CXCL17: variants seen among roughly 807,000 people sequenced by gnomAD.
CXCL17 encodes C-X-C motif chemokine 17.
In CXCL17, 9 loss-of-function variants were observed where a neutral mutation model predicts 15.5. That is an observed-to-expected ratio of 0.58 (90% CI 0.35 to 1.01). CXCL17 has a LOEUF of 1.01. Among genes scored for constraint, CXCL17 ranks in the 50% least tolerant of loss-of-function variants. The pLI, the probability that CXCL17 is intolerant of heterozygous loss-of-function variation, is 0.02. For synonymous variants in CXCL17, 52 were observed against 52.3 expected (o/e 0.99, Z 0.02); for missense variants, 133 against 138.2 (o/e 0.96, Z 0.19).
At chr19:42,439,477 T>C (rs115028380) in intron 1 of CXCL17, among the ~76,000 whole-genome samples, 4,482 of 151,102 alleles carry the variant, frequency 0.03, 234 homozygotes, top group African/African-American at 0.1. Flanking sequence ...AAAAAAAGTA[T>C]GATGAGAAGA....
At chr19:42,433,116 T>C (rs555225603) in intron 2 of CXCL17, 39 bp from the exon 3 acceptor site, 1 of 1,419,856 alleles carries the variant, frequency 7.0e-7, no homozygotes, top group East Asian at 2.3e-5. Flanking sequence ...GGAGAGTTAA[T>C]ACATTTGATA....
At chr19:42,442,251 T>TTTTTTTTTTTTTTTTTTTTTTTG (rs2040900779) in intron 1 of CXCL17, among the ~76,000 whole-genome samples, 1 of 131,498 alleles carries the variant, frequency 7.6e-6, no homozygotes, top group African/African-American at 3.2e-5. Context: ...TTTTTTTTTT[T>TTTTTTTTTTTTTTTTTTTTTTTG]GAGATGGAGT....
In CXCL17 at chr19:42,428,704, A is replaced by C. The variant is rs974404595; in HGVS notation, c.*180T>G. On this transcript the variant is annotated 3_prime_UTR_variant, in exon 4 of 4. Coordinates refer to ENST00000601181, the MANE Select transcript of CXCL17 (RefSeq NM_198477.3). ...ACAGGCTAAGACTGACGAGAGAAGA[A>C]GACACTAGAGAGAGCAACAAACAAA... 1 of 624,620 alleles carries C rather than the reference A, an allele frequency of 1.6e-6. No homozygotes were observed. The allele number at this position is 624,620 out of a possible 1,614,324, so 38.7% of individuals were successfully genotyped here.
At chr19:42,434,899 G>T (rs2147696669) in intron 1 of CXCL17, among the ~76,000 whole-genome samples, 1 of 152,166 alleles carries the variant, frequency 6.6e-6, no homozygotes, top group East Asian at 1.9e-4. Context: ...CCTATGACAG[G>T]CTGGGCACGG....
intron 1 of CXCL17, among the ~76,000 whole-genome samples, chr19:42,435,036 G>A (rs867157779): frequency 2.6e-5 from 4 of 151,830 alleles, no homozygotes; most frequent in African/African-American, 9.7e-5. Context: ...AAAATTAGGC[G>A]GGCGTGGTGG....
rs851299 is a variant in CXCL17 at position 42,433,736 on chromosome 19, A to G, written c.160+40T>C. 2,788 of 1,548,718 alleles carry G rather than the reference A, an allele frequency of 1.8e-3. 56 individuals carry two copies. In the African/African-American group the frequency reaches 0.033, roughly 19 times the overall value. On this transcript the variant is annotated intron_variant, in intron 2 of 3. Coordinates refer to ENST00000601181, the MANE Select transcript of CXCL17 (RefSeq NM_198477.3). Reference sequence around the variant, plus strand: ...GGGCCCAAGGGAGAGAGCTGGGGTCATGGTGATGCCATCGCTGTTGTTGTT... The same window carrying G: ...GGGCCCAAGGGAGAGAGCTGGGGTCGTGGTGATGCCATCGCTGTTGTTGTT...
At position 42,442,758 on chromosome 19, in the gene CXCL17, A is replaced by T; in HGVS notation, c.75T>A (p.Asn25Lys). The change falls in exon 1 of 4, where the codon AAT becomes AAA. Residue 25 changes from asparagine (N) to lysine (K), a missense_variant. Transcript: ENST00000601181. ...TTCATAGACAGTCTTGTTTACCTGG[A>T]TTCAGGCTGCTAGAGACCATGGACA... ...MLMSMVSSSL[N>K]PGVARGHRDR... 1 of 1,610,922 alleles carries T rather than the reference A, an allele frequency of 6.2e-7. No individual in the cohort carries two copies.
Position 42,428,940 on chromosome 19 carries a change from CT to C in CXCL17, c.303del (p.Ala102ProfsTer11). The C allele has an allele frequency of 6.2e-7, 1 of 1,614,096 alleles. No individual in the cohort carries two copies. Among genetic ancestry groups the C allele is most frequent in the East Asian group, 2.2e-5 (1 of 44,880 alleles). ...CATTGTTTGAGAAATTGCTGGCAGGCTCTGGAATGCTTGTTTGGCTTTCTGT... is the reference window on the plus strand; with the variant it reads ...CATTGTTTGAGAAATTGCTGGCAGGCCTGGAATGCTTGTTTGGCTTTCTGT... ...RHHRKPNKHS[R>X]ACQQFLKQCQ... On this transcript the variant is annotated frameshift_variant, in exon 4 of 4. Coordinates refer to ENST00000601181, the MANE Select transcript of CXCL17 (RefSeq NM_198477.3). LOFTEE classifies it high-confidence loss of function.
chr19:42,432,176 A>C (rs2040789680), intron 3 of CXCL17, among the ~76,000 whole-genome samples: 1 of 117,186 alleles, frequency 8.5e-6, no homozygotes, highest in Non-Finnish European at 1.6e-5. Flanking sequence ...GCAGAGTCTC[A>C]CTCTGTCGCC....
At chr19:42,431,454 G>T (rs1428540921) in intron 3 of CXCL17, among the ~76,000 whole-genome samples, 1 of 151,962 alleles carries the variant, frequency 6.6e-6, no homozygotes, top group Non-Finnish European at 1.5e-5. Context: ...TTTACTTTAT[G>T]GTTTGTGCAT....
intron 2 of CXCL17, 116 bp from the exon 3 acceptor site, chr19:42,433,193 G>A (rs1232201956): frequency 1.5e-6 from 1 of 677,666 alleles, no homozygotes; most frequent in Non-Finnish European, 2.5e-6. Flanking sequence ...AATGGGGTGG[G>A]AAAAGGGGTC....
At chr19:42,437,734 T>C (rs1395411553) in intron 1 of CXCL17, among the ~76,000 whole-genome samples, 1 of 152,216 alleles carries the variant, frequency 6.6e-6, no homozygotes, top group Admixed American at 6.5e-5. Flanking sequence ...TCTGCTGATG[T>C]GGATGTGTAA....
chr19:42,441,866 T>C (rs1054573057), intron 1 of CXCL17, among the ~76,000 whole-genome samples: 1 of 152,304 alleles, frequency 6.6e-6, no homozygotes, highest in African/African-American at 2.4e-5. Context: ...CTTCCCAAAA[T>C]GTGAGCTGTT....
Position 42,430,376 on chromosome 19 carries a change from A to G in CXCL17, c.263-1395T>C, listed in dbSNP as rs2040766073. On this transcript the variant is annotated intron_variant, in intron 3 of 3. Transcript: ENST00000601181. ...TTTGGGAGCCCGAGGCAGGCAGATC[A>G]CCTGAGGTCAGGGGTTCGAGACCAG... is the stretch of plus-strand genomic sequence containing the variant. 5.3e-5 allele frequency among the ~76,000 whole-genome samples: 8 copies of G among 152,010 alleles called. No homozygotes were observed. In the South Asian group the frequency reaches 1.7e-3, roughly 32 times the overall value.
At chr19:42,430,621 AAGAAATAGAATATTGCCAAC>A (rs1260361916) in intron 3 of CXCL17, among the ~76,000 whole-genome samples, 29 of 151,878 alleles carry the variant, frequency 1.9e-4, no homozygotes, top group African/African-American at 7.0e-4. Flanking sequence ...GAAAGAAAGA[AAGAAATAGAATATTGCCAAC>A]AGCACCCCTC....
intron 1 of CXCL17, among the ~76,000 whole-genome samples, chr19:42,439,829 T>C (rs2040874430): frequency 6.6e-6 from 1 of 152,244 alleles, no homozygotes; most frequent in Non-Finnish European, 1.5e-5. Flanking sequence ...TATCCCAGGT[T>C]GGAGGAGACC....
Position 42,428,697 on chromosome 19 carries a change from G to GAGA in CXCL17, c.*184_*186dup. ...GGAGGGCACAGGCTAAGACTGACGA[G>GAGA]AGAAGAAGACACTAGAGAGAGCAAC... On this transcript the variant is annotated 3_prime_UTR_variant, in exon 4 of 4. Transcript: ENST00000601181. The GAGA allele has an allele frequency of 1.6e-6, 1 of 610,462 alleles. No homozygotes were observed. Among genetic ancestry groups the GAGA allele is most frequent in the Non-Finnish European group, 2.9e-6 (1 of 340,528 alleles). The allele number at this position is 610,462 out of a possible 1,614,324, so 37.8% of individuals were successfully genotyped here.
rs1432997167 is a variant in CXCL17, at chr19:42,428,898, C to G, written c.346G>C (p.Ala116Pro). 1 of 1,613,970 alleles carries G rather than the reference C, an allele frequency of 6.2e-7. No homozygotes were observed. The highest frequency in any genetic ancestry group is 8.5e-7 in the Non-Finnish European group (1 of 1,179,862). The change falls in exon 4 of 4, where the codon GCT becomes CCT. Residue 116 changes from alanine to proline, a missense_variant. Transcript: ENST00000601181. ...FLKQCQLRSF[A>P]LPL ...GCTCAGAGCTCCTACAAAGGCAGAG[C>G]AAAGCTTCTTAGCTGACATTGTTTG...
At chr19:42,441,281 C>T (rs76699646) in intron 1 of CXCL17, among the ~76,000 whole-genome samples, 1,601 of 152,224 alleles carry the variant, frequency 0.011, 32 homozygotes, top group African/African-American at 0.036. Flanking sequence ...GCTAAGCCAG[C>T]GCTCAGGAGG....
Sources: gnomAD v4.1 joint callset for allele counts (sites outside exome capture counted in the v4.1 genomes callset) on GRCh38, gnomAD v4.1.1 for gene constraint, MANE v1.5 for transcripts, NCBI Gene and HGNC (gene_info 2026-07-23, HGNC 2026-07-21) for gene names.